Variants in STK10 observed in about 807,000 individuals in gnomAD.
The protein encoded by STK10 is serine/threonine kinase 10.
In STK10, 78 loss-of-function variants were observed where a neutral mutation model predicts 113.8. The ratio of observed to expected loss-of-function variants is 0.69; its 90% confidence interval spans 0.57 to 0.83. STK10 has a LOEUF of 0.83. STK10 is among the 40% of genes least tolerant of loss of function. The pLI, the probability that STK10 is intolerant of heterozygous loss-of-function variation, is 0.00. For missense variants in STK10, 1,109 were observed against 1,280.1 expected (o/e 0.87, Z 2.04); for synonymous variants, 465 against 494.7 (o/e 0.94, Z 0.80).
chr5:172,156,924 C>T, intron 1 of STK10, 136 bp from the exon 2 acceptor site: 1 of 962,496 alleles, frequency 1.0e-6, no homozygotes, highest in East Asian at 2.5e-5. Context: ...GTACATTGTT[C>T]TTAACAATAG....
intron 12 of STK10, among the ~76,000 whole-genome samples, chr5:172,077,676 T>C (rs1001124572): frequency 2.0e-5 from 3 of 152,220 alleles, no homozygotes; most frequent in Non-Finnish European, 4.4e-5. Flanking sequence ...TGAAAAGTGA[T>C]TAGCATGATA....
intron 10 of STK10, among the ~76,000 whole-genome samples, chr5:172,087,539 T>A (rs1768594917): frequency 6.6e-6 from 1 of 152,108 alleles, no homozygotes; most frequent in Non-Finnish European, 1.5e-5. Context: ...CCTCCCAAAG[T>A]GCTGGGATTA....
At chr5:172,103,103 C>G (rs924234848) in intron 7 of STK10, among the ~76,000 whole-genome samples, 2 of 152,342 alleles carry the variant, frequency 1.3e-5, no homozygotes, top group East Asian at 3.9e-4. Flanking sequence ...TCTTGGAAGC[C>G]GGTAGACACC....
At chr5:172,056,409 G>GT (rs1323122207) in intron 15 of STK10, among the ~76,000 whole-genome samples, 3 of 152,332 alleles carry the variant, frequency 2.0e-5, no homozygotes, top group Admixed American at 6.5e-5. Flanking sequence ...GCCACACAGA[G>GT]TAGGGGCCCT....
At chr5:172,092,129 G>A (rs1768725853) in intron 9 of STK10, among the ~76,000 whole-genome samples, 1 of 152,226 alleles carries the variant, frequency 6.6e-6, no homozygotes, top group Non-Finnish European at 1.5e-5. Context: ...CAGTCAGGAT[G>A]GGTCAGGCCA....
At chr5:172,143,803 A>G (rs1185389396) in intron 2 of STK10, among the ~76,000 whole-genome samples, 1 of 152,244 alleles carries the variant, frequency 6.6e-6, no homozygotes, top group Non-Finnish European at 1.5e-5. Context: ...ACGATCCAAT[A>G]TCAAAGCCCG....
intron 2 of STK10, among the ~76,000 whole-genome samples, chr5:172,128,017 G>A (rs1471944497): frequency 6.6e-6 from 1 of 152,170 alleles, no homozygotes; most frequent in East Asian, 1.9e-4. Flanking sequence ...CAAACCCTCA[G>A]GTCATTCATT....
intron 2 of STK10, among the ~76,000 whole-genome samples, chr5:172,131,974 C>G (rs1411139321): frequency 6.6e-6 from 1 of 152,186 alleles, no homozygotes; most frequent in South Asian, 2.1e-4. Context: ...CTCCTGCATG[C>G]CCTCTTGCTC....
At chr5:172,166,383 G>A (rs934278351) in intron 1 of STK10, among the ~76,000 whole-genome samples, 1 of 152,190 alleles carries the variant, frequency 6.6e-6, no homozygotes, top group African/African-American at 2.4e-5. Context: ...TGGCCACCAA[G>A]AAGGAGATGA....
chr5:172,149,817 G>C (rs541255492), intron 2 of STK10, among the ~76,000 whole-genome samples: 21 of 151,860 alleles, frequency 1.4e-4, no homozygotes, highest in African/African-American at 4.8e-4. Context: ...AGGCCGAGGC[G>C]GGTGGATCAC....
intron 2 of STK10, among the ~76,000 whole-genome samples, chr5:172,138,244 C>T (rs1769907781): frequency 6.6e-6 from 1 of 152,158 alleles, no homozygotes; most frequent in African/African-American, 2.4e-5. Flanking sequence ...GCTTCAGCCT[C>T]CCAAGTAGCT....
Position 172,133,089 on chromosome 5 carries a change from C to T in STK10, c.322-5668G>A, listed in dbSNP as rs189979461. ...GGAAAAGCGTGGAAGCGGGTAATGG[C>T]GGAGCATTCCATGGGGTTCCAAAGG... On this transcript the variant is annotated intron_variant, in intron 2 of 18. Transcript: ENST00000176763. The surrounding 1 kb of genome is among the most constrained non-coding windows in gnomAD (Gnocchi z 4.9). Among the ~76,000 whole-genome samples the T allele has an allele frequency of 1.3e-5, 2 of 152,146 alleles. No individual in the cohort carries two copies. Among genetic ancestry groups the T allele is most frequent in the African/African-American group, 4.8e-5 (2 of 41,438 alleles).
At chr5:172,104,705 T>C (rs1158738077) in intron 7 of STK10, among the ~76,000 whole-genome samples, 1 of 152,202 alleles carries the variant, frequency 6.6e-6, no homozygotes, top group Admixed American at 6.5e-5. Context: ...GATCCTCAGC[T>C]GGTCTCTGCA....
rs969317477 is a variant in STK10, at chr5:172,093,073, T to G, written c.1554+339A>C. Among the ~76,000 whole-genome samples the G allele has an allele frequency of 6.6e-6, 1 of 152,228 alleles. No homozygotes were observed. The highest frequency in any genetic ancestry group is 2.4e-5 in the African/African-American group (1 of 41,462). On this transcript the variant is annotated intron_variant, in intron 9 of 18. Coordinates refer to ENST00000176763, the MANE Select transcript of STK10 (RefSeq NM_005990.4). The surrounding 1 kb of genome is among the most constrained non-coding windows in gnomAD (Gnocchi z 4.1). ...GCGGGGAAGATGGCTTTGAGCTGTT[T>G]CCTTTAGTTGGATTTACCAGTTATC...
intron 16 of STK10, among the ~76,000 whole-genome samples, chr5:172,055,009 G>A (rs1001678877): frequency 1.3e-5 from 2 of 152,340 alleles, no homozygotes; most frequent in South Asian, 2.1e-4. Context: ...AGGATGTGGG[G>A]AAGCTGGCCA....
At chr5:172,144,488 G>A (rs931272268) in intron 2 of STK10, among the ~76,000 whole-genome samples, 1 of 152,194 alleles carries the variant, frequency 6.6e-6, no homozygotes, top group Non-Finnish European at 1.5e-5. Context: ...AGTCAACACA[G>A]AAATGTCCTT....
chr5:172,094,033 G>A lies in STK10; in HGVS notation c.1006-73C>T, dbSNP rs1056044227. 4.3e-6 allele frequency: 5 copies of A among 1,171,618 alleles called. No homozygotes were observed. In the Admixed American group the frequency reaches 1.1e-4, roughly 26 times the overall value. 72.6% of individuals were successfully genotyped at this position (1,171,618 alleles called of 1,614,324 possible). On this transcript the variant is annotated intron_variant, in intron 8 of 18. Transcript: ENST00000176763. ...CAAGGCAAGAGTCAGAGATGCAGTG[G>A]AGAAAGTCAGACACCCTCAAGATGA...
At position 172,054,590 on chromosome 5, in the gene STK10, C is replaced by T; in HGVS notation, c.2631G>A (p.Met877Ile). ...GTACCTGCAGCTGCTGCAGCTCGCT[C>T]ATGTTGCTCTCACACTGCGCCAGCA... ...RDMLAQCESN[M>I]SELQQLQNEK... The change falls in exon 17 of 19, where the codon ATG becomes ATA. Residue 877 changes from methionine to isoleucine, a missense_variant. By Grantham distance (10) the Met-to-Ile change is conservative. Around this residue, in one of 5 missense-constraint regions of STK10, gnomAD observed 885 missense variants for 991.1 expected, o/e 0.89. Transcript: ENST00000176763. 6.2e-7 allele frequency: 1 copy of T among 1,608,576 alleles called. No homozygotes were observed. The highest frequency in any genetic ancestry group is 8.5e-7 in the Non-Finnish European group (1 of 1,179,776).
chr5:172,162,521 C>T (rs916515749), intron 1 of STK10, among the ~76,000 whole-genome samples: 1 of 152,086 alleles, frequency 6.6e-6, no homozygotes, highest in African/African-American at 2.4e-5. Context: ...GATTTCTGTA[C>T]ATCCCCACCA....
Sources: allele counts gnomAD v4.1 joint callset (sites outside exome capture counted in the v4.1 genomes callset), GRCh38; gene constraint gnomAD v4.1.1; regional missense constraint gnomAD v4.1.1; non-coding constraint Gnocchi (gnomAD v3.1); transcripts MANE v1.5; gene names NCBI Gene and HGNC (gene_info 2026-07-23, HGNC 2026-07-21).